CEP126: variants seen among roughly 807,000 people sequenced by gnomAD.
CEP126 encodes the protein centrosomal protein 126, also known as centrosomal protein of 126 kDa.
In CEP126, 74 loss-of-function variants were observed where a neutral mutation model predicts 107.8. The ratio of observed to expected loss-of-function variants is 0.69; its 90% CI spans 0.57 to 0.83. The LOEUF (loss-of-function observed/expected upper bound fraction) is 0.83, where lower values mean the gene tolerates loss of function less well. CEP126 is among the 40% of genes least tolerant of loss of function. CEP126 has a pLI of 0.00. For missense variants in CEP126, 1,237 were observed against 1,281.9 expected (o/e 0.96, Z 0.53); for synonymous variants, 449 against 446.0 (o/e 1.01, Z -0.08).
chr11:101,931,617 A>T (rs1940501938), intron 2 of CEP126, among the ~76,000 whole-genome samples: 1 of 152,150 alleles, frequency 6.6e-6, no homozygotes, highest in Non-Finnish European at 1.5e-5. Flanking sequence ...TTAATTTCTA[A>T]TTGTCTCAAA....
intron 6 of CEP126, among the ~76,000 whole-genome samples, chr11:101,969,258 C>T (rs776185434): frequency 1.2e-4 from 19 of 152,088 alleles, no homozygotes; most frequent in Non-Finnish European, 2.6e-4. Context: ...CGAGCTCAAG[C>T]GATCTGCCTG....
At chr11:101,942,361 T>A (rs1940677220) in intron 2 of CEP126, among the ~76,000 whole-genome samples, 1 of 152,018 alleles carries the variant, frequency 6.6e-6, no homozygotes, top group Admixed American at 6.6e-5. Context: ...CCAACACCAT[T>A]TTCTGTAAAG....
chr11:101,993,000 A>T, intron 10 of CEP126, 158 bp downstream of exon 10: 1 of 419,024 alleles, frequency 2.4e-6, no homozygotes, highest in Non-Finnish European at 3.2e-6. Context: ...AAGACTGTTC[A>T]TTAGAATTAT....
intron 6 of CEP126, among the ~76,000 whole-genome samples, chr11:101,975,439 AG>A (rs908045375): frequency 2.0e-5 from 3 of 152,234 alleles, no homozygotes; most frequent in Admixed American, 6.5e-5. Flanking sequence ...GAAAATTACT[AG>A]CATATGTGTA....
intron 5 of CEP126, among the ~76,000 whole-genome samples, chr11:101,958,706 T>G (rs1029197070): frequency 2.6e-5 from 4 of 152,214 alleles, no homozygotes; most frequent in Admixed American, 2.6e-4. Flanking sequence ...GGCATATACT[T>G]TATTTTTTCC....
chr11:101,940,790 A>C (rs1940652552), intron 2 of CEP126, among the ~76,000 whole-genome samples: 1 of 152,212 alleles, frequency 6.6e-6, no homozygotes. Context: ...TGAAATTCTT[A>C]GATGGGGTCT....
intron 2 of CEP126, among the ~76,000 whole-genome samples, chr11:101,925,688 A>G: frequency 6.3e-3 from 1 of 160 alleles, no homozygotes; most frequent in Non-Finnish European, 0.02. Context: ...GAATTGCTTG[A>G]GCTCAGGAGG....
In CEP126 at chr11:101,915,202, G is replaced by A. The variant is rs1182477927; in HGVS notation, c.-83G>A. On this transcript the variant is annotated 5_prime_UTR_variant, in exon 1 of 11. Coordinates refer to ENST00000263468, the MANE Select transcript of CEP126 (RefSeq NM_020802.4). ...GGCCTGAGAGACGGAGTGTAGGGAGGGGCCGAGCAGGAGGAGGAGGAAGCC... is the reference window on the plus strand; with the variant it reads ...GGCCTGAGAGACGGAGTGTAGGGAGAGGCCGAGCAGGAGGAGGAGGAAGCC... 2.0e-5 allele frequency: 31 copies of A among 1,580,124 alleles called. No homozygotes were observed. In the Admixed American group the frequency reaches 4.9e-4, roughly 25 times the overall value.
chr11:101,949,167 A>G (rs1266983972), intron 4 of CEP126, among the ~76,000 whole-genome samples: 13 of 152,236 alleles, frequency 8.5e-5, no homozygotes, highest in Non-Finnish European at 1.0e-4. Context: ...CTCTAGGAGT[A>G]AGAGTATGTG....
At chr11:101,987,316 G>A (rs1941327806) in intron 9 of CEP126, among the ~76,000 whole-genome samples, 1 of 152,032 alleles carries the variant, frequency 6.6e-6, no homozygotes, top group Admixed American at 6.6e-5. Flanking sequence ...TATCTATACT[G>A]ACCATCCATC....
At chr11:101,972,235 GC>G (rs1288162538) in intron 6 of CEP126, among the ~76,000 whole-genome samples, 1 of 151,460 alleles carries the variant, frequency 6.6e-6, no homozygotes, top group Non-Finnish European at 1.5e-5. Flanking sequence ...GACCATCCTG[GC>G]TAACACTGTG....
rs1565372940 is a variant in CEP126, at chr11:101,997,615, GAAC to G, written c.3327_3329del (p.Arg1109_Thr1110delinsSer). 1.2e-6 allele frequency: 2 copies of G among 1,613,842 alleles called. No homozygotes were observed. The highest frequency in any genetic ancestry group is 1.7e-5 in the Admixed American group (1 of 59,992). ...GATTTCCAGGAGAAGAGAGAAGATA[GAAC>G]CAGCAGCTGCAGAGACAAGAGATAA... On this transcript the variant is annotated inframe_deletion, in exon 11 of 11. Coordinates refer to ENST00000263468, the MANE Select transcript of CEP126 (RefSeq NM_020802.4).
chr11:101,959,760 T>C (rs1293631985), intron 5 of CEP126, among the ~76,000 whole-genome samples: 1 of 152,008 alleles, frequency 6.6e-6, no homozygotes, highest in Non-Finnish European at 1.5e-5. Flanking sequence ...AAATGAAAAA[T>C]TGACTGGATG....
rs181857116 is a variant in CEP126 at position 101,932,630 on chromosome 11, A to G, written c.248+9870A>G. 1.4e-3 allele frequency among the ~76,000 whole-genome samples: 215 copies of G among 152,130 alleles called. 2 individuals are homozygous for G. Among genetic ancestry groups the G allele is most frequent in the Admixed American group, 5.4e-3 (83 of 15,274 alleles). On this transcript the variant is annotated intron_variant, in intron 2 of 10. Coordinates refer to ENST00000263468, the MANE Select transcript of CEP126 (RefSeq NM_020802.4). ...CCCTCTCAATTCAGGACCTTTGCAC[A>G]CTGTTTCTGCCTAGAGCACTTTTTT...
At chr11:101,934,182 A>G (rs1164489435) in intron 2 of CEP126, among the ~76,000 whole-genome samples, 1 of 152,122 alleles carries the variant, frequency 6.6e-6, no homozygotes, top group Non-Finnish European at 1.5e-5. Context: ...AGTCATCTAT[A>G]GATCCTCTGT....
intron 6 of CEP126, among the ~76,000 whole-genome samples, chr11:101,964,797 T>C (rs1941040564): frequency 6.6e-6 from 1 of 152,250 alleles, no homozygotes; most frequent in South Asian, 2.1e-4. Flanking sequence ...GAATAGGATC[T>C]GATTCTTGTC....
chr11:101,958,961 A>G (rs1243990781), intron 5 of CEP126, among the ~76,000 whole-genome samples: 1 of 152,160 alleles, frequency 6.6e-6, no homozygotes, highest in African/African-American at 2.4e-5. Context: ...GAACAAAATA[A>G]ATAAAACAAC....
At chr11:101,932,471 G>C (rs1422774530) in intron 2 of CEP126, among the ~76,000 whole-genome samples, 1 of 152,108 alleles carries the variant, frequency 6.6e-6, no homozygotes, top group Non-Finnish European at 1.5e-5. Context: ...ATGATAATTT[G>C]CTGTCAAAAT....
At chr11:101,975,142 A>G (rs1436636076) in intron 6 of CEP126, among the ~76,000 whole-genome samples, 1 of 152,220 alleles carries the variant, frequency 6.6e-6, no homozygotes, top group Non-Finnish European at 1.5e-5. Flanking sequence ...GGTGGAAACT[A>G]TAACATTTTG....
Sources: allele counts gnomAD v4.1 joint callset (sites outside exome capture counted in the v4.1 genomes callset), GRCh38; gene constraint gnomAD v4.1.1; transcripts MANE v1.5; gene names NCBI Gene and HGNC (gene_info 2026-07-23, HGNC 2026-07-21).